The following LRRC69 variants were observed in gnomAD, a reference collection of about 807,000 sequenced individuals.
LRRC69 encodes the protein leucine rich repeat containing 69.
A neutral mutation model predicts 37.8 loss-of-function variants in LRRC69; 42 were observed. That is an observed-to-expected ratio of 1.11 (90% confidence interval 0.87 to 1.44). The LOEUF (loss-of-function observed/expected upper bound fraction) is 1.44, where lower values mean the gene tolerates loss of function less well. Among genes scored for constraint, LRRC69 ranks in the 40% most tolerant of loss-of-function variants. The probability of loss-of-function intolerance (pLI) is 0.00; values close to 1 mark genes in which losing one functional copy is unlikely to be tolerated. For missense variants in LRRC69, 357 were observed against 401.9 expected (o/e 0.89, Z 0.96); for synonymous variants, 141 against 143.1 (o/e 0.99, Z 0.11).
At chr8:91,136,877 T>C (rs193297473) in intron 5 of LRRC69, among the ~76,000 whole-genome samples, 55 of 152,158 alleles carry the variant, frequency 3.6e-4, no homozygotes, top group Middle Eastern at 6.8e-3. Context: ...TCTTATACCA[T>C]GTGTCAGAGT....
chr8:91,141,513 C>A (rs975612061), intron 5 of LRRC69, among the ~76,000 whole-genome samples: 1 of 152,088 alleles, frequency 6.6e-6, no homozygotes. Flanking sequence ...TTGATATAAA[C>A]CTCCTTGATG....
chr8:91,201,079 T>A (rs1010715710), intron 7 of LRRC69, among the ~76,000 whole-genome samples: 1 of 152,218 alleles, frequency 6.6e-6, no homozygotes, highest in African/African-American at 2.4e-5. Context: ...TGAATATTAA[T>A]AATAAAACCA....
intron 3 of LRRC69, among the ~76,000 whole-genome samples, chr8:91,129,562 A>T (rs1053655873): frequency 6.6e-6 from 1 of 151,898 alleles, no homozygotes; most frequent in African/African-American, 2.4e-5. Context: ...TAAAAATGAT[A>T]ATAAAAATGA....
intron 1 of LRRC69, 106 bp downstream of exon 1, chr8:91,102,950 C>A: frequency 9.2e-7 from 1 of 1,082,676 alleles, no homozygotes; most frequent in Non-Finnish European, 1.3e-6. Flanking sequence ...TCTATGGAGA[C>A]TTAGGTATCT....
chr8:91,124,301 CAT>C (rs1813680058), intron 1 of LRRC69, among the ~76,000 whole-genome samples, 190 bp from the exon 2 acceptor site: 1 of 151,872 alleles, frequency 6.6e-6, no homozygotes, highest in East Asian at 1.9e-4. Context: ...CTTTAATTAA[CAT>C]AAAGTGAGCA....
At chr8:91,167,646 T>C (rs1809053019) in intron 5 of LRRC69, among the ~76,000 whole-genome samples, 2 of 151,988 alleles carry the variant, frequency 1.3e-5, no homozygotes, top group African/African-American at 4.8e-5. Flanking sequence ...AACCCTCGTT[T>C]GTAGCATCTG....
At chr8:91,170,359 A>G (rs1809106069) in intron 5 of LRRC69, among the ~76,000 whole-genome samples, 2 of 150,806 alleles carry the variant, frequency 1.3e-5, no homozygotes, top group Admixed American at 1.3e-4. Flanking sequence ...TGCCATCCCC[A>G]TCAAGCTACC....
chr8:91,105,711 A>T (rs1272172710), intron 1 of LRRC69, among the ~76,000 whole-genome samples: 1 of 147,340 alleles, frequency 6.8e-6, no homozygotes, highest in East Asian at 2.0e-4. Context: ...AGAAAGAGAC[A>T]GCTTAGAGAA....
intron 4 of LRRC69, 145 bp from the exon 5 acceptor site, chr8:91,135,523 G>C: frequency 2.0e-6 from 1 of 491,670 alleles, no homozygotes; most frequent in Non-Finnish European, 3.6e-6. Context: ...GTCTGCTCGG[G>C]AAGATGTGCT....
intron 2 of LRRC69, 165 bp downstream of exon 2, chr8:91,124,784 G>A: frequency 1.8e-6 from 1 of 562,792 alleles, no homozygotes; most frequent in Non-Finnish European, 3.0e-6. Flanking sequence ...TTTTAAAAAA[G>A]TATTGTATCA....
At chr8:91,188,699 GTCTTTTCTCT>G (rs1027779233) in intron 5 of LRRC69, among the ~76,000 whole-genome samples, 19 of 152,188 alleles carry the variant, frequency 1.2e-4, no homozygotes, top group African/African-American at 2.4e-4. Flanking sequence ...GTAAGACATT[GTCTTTTCTCT>G]TCTTTTCTCT....
intron 6 of LRRC69, among the ~76,000 whole-genome samples, chr8:91,189,965 C>G (rs1809465691): frequency 6.6e-6 from 1 of 152,136 alleles, no homozygotes; most frequent in African/African-American, 2.4e-5. Flanking sequence ...TCCCTTTTTA[C>G]TCGTCTCTAT....
At chr8:91,214,314 G>A (rs116679138) in intron 7 of LRRC69, among the ~76,000 whole-genome samples, 186 of 152,314 alleles carry the variant, frequency 1.2e-3, no homozygotes, top group African/African-American at 4.2e-3. Context: ...TGAGTTTCAA[G>A]TGATGCCTGG....
At chr8:91,130,965 A>G (rs1387397087) in intron 3 of LRRC69, 1 of 151,968 alleles carries the variant, frequency 6.6e-6, no homozygotes, top group Non-Finnish European at 1.5e-5. Flanking sequence ...TTACCCCATC[A>G]TCATGACCTA....
intron 5 of LRRC69, among the ~76,000 whole-genome samples, chr8:91,166,244 C>G (rs2130572755): frequency 6.6e-6 from 1 of 151,776 alleles, no homozygotes; most frequent in Non-Finnish European, 1.5e-5. Context: ...TACATTAGTT[C>G]TAATTCCTGT....
At chr8:91,127,306 T>C (rs544993023) in intron 3 of LRRC69, 146 bp downstream of exon 3, 59 of 568,816 alleles carry the variant, frequency 1.0e-4, no homozygotes, top group South Asian at 2.8e-4. Context: ...GGCAAGCCAC[T>C]AATTTTAAGC....
At chr8:91,124,645 T>C in intron 2 of LRRC69, 26 bp downstream of exon 2, 4 of 1,492,822 alleles carry the variant, frequency 2.7e-6, no homozygotes, top group Non-Finnish European at 3.6e-6. Flanking sequence ...AGGAACAACA[T>C]TATAGCATCA....
intron 1 of LRRC69, among the ~76,000 whole-genome samples, chr8:91,112,920 A>G (rs886366236): frequency 6.3e-4 from 96 of 152,140 alleles, no homozygotes; most frequent in African/African-American, 2.2e-3. Flanking sequence ...TCATATTTCT[A>G]TATACAAGGA....
chr8:91,146,083 T>C (rs1193423597), intron 5 of LRRC69, among the ~76,000 whole-genome samples: 1 of 151,834 alleles, frequency 6.6e-6, no homozygotes, highest in African/African-American at 2.4e-5. Context: ...GAATTAAAGA[T>C]AGGCTGGTCC....
Sources: gnomAD v4.1 joint callset for allele counts (sites outside exome capture counted in the v4.1 genomes callset) on GRCh38, gnomAD v4.1.1 for gene constraint, MANE v1.5 for transcripts, NCBI Gene and HGNC (gene_info 2026-07-23, HGNC 2026-07-21) for gene names.